The following HDAC9 variants were observed in gnomAD, a reference collection of about 807,000 sequenced individuals.
The protein encoded by HDAC9 is MEF-2 interacting transcription repressor (MITR) protein.
HDAC9 carries 41 observed loss-of-function variants against 139.4 expected under a neutral mutation model. The ratio of observed to expected loss-of-function variants is 0.29; its 90% CI spans 0.23 to 0.38. The LOEUF (loss-of-function observed/expected upper bound fraction) is 0.38, where lower values mean the gene tolerates loss of function less well. Ranked by LOEUF, HDAC9 falls within the 10% of genes least tolerant of loss-of-function variation. The pLI is 1.00. For missense variants in HDAC9, 1,147 were observed against 1,297.0 expected, an observed-to-expected ratio of 0.88 and a Z score of 1.78; for synonymous variants, 517 against 476.2, an observed-to-expected ratio of 1.09 and a Z score of -1.12.
At chr7:18,364,355 G>C (rs1225704396) in intron 1 of HDAC9, among the ~76,000 whole-genome samples, 1 of 152,016 alleles carries the variant, frequency 6.6e-6, no homozygotes, top group African/African-American at 2.4e-5. Context: ...ACCGGCATAT[G>C]ATAAATGCTC....
chr7:18,734,323 G>A (rs569175844), intron 13 of HDAC9, among the ~76,000 whole-genome samples: 36 of 152,234 alleles, frequency 2.4e-4, no homozygotes, highest in African/African-American at 3.1e-4. Context: ...TTGGTTTGCC[G>A]TACCCATCAA....
At chr7:18,853,373 G>A (rs573994108) in intron 21 of HDAC9, among the ~76,000 whole-genome samples, 60 of 152,090 alleles carry the variant, frequency 3.9e-4, no homozygotes, top group South Asian at 2.9e-3. Context: ...GAGTTTGGGG[G>A]TTTCTTACCA....
intron 1 of HDAC9, among the ~76,000 whole-genome samples, chr7:18,461,290 A>G (rs977837712): frequency 5.9e-5 from 9 of 152,206 alleles, no homozygotes; most frequent in Admixed American, 5.9e-4. Flanking sequence ...TTAAAAATAA[A>G]AATCTGTTAT....
chr7:18,697,481 G>A (rs1000216145), intron 12 of HDAC9, among the ~76,000 whole-genome samples: 16 of 151,982 alleles, frequency 1.1e-4, no homozygotes, highest in African/African-American at 3.9e-4. Context: ...GTCTCTCTCT[G>A]TGTCTCTCTT....
chr7:18,388,785 C>G (rs748476033), intron 1 of HDAC9, among the ~76,000 whole-genome samples: 1 of 152,076 alleles, frequency 6.6e-6, no homozygotes, highest in East Asian at 1.9e-4. Context: ...AGAACTAAGT[C>G]TTTTGTGAAT....
intron 25 of HDAC9, among the ~76,000 whole-genome samples, chr7:18,990,424 T>C (rs1056112644): frequency 1.3e-5 from 2 of 152,210 alleles, no homozygotes. Context: ...TCCAGCTGCG[T>C]GCTGGGAGAG....
At chr7:18,991,098 ATTT>A (rs1427565730) in intron 25 of HDAC9, among the ~76,000 whole-genome samples, 1 of 152,170 alleles carries the variant, frequency 6.6e-6, no homozygotes, top group Non-Finnish European at 1.5e-5. Flanking sequence ...GCAAATTCTT[ATTT>A]TGTTCTTGAT....
intron 1 of HDAC9, among the ~76,000 whole-genome samples, chr7:18,424,634 C>T (rs977989801): frequency 9.2e-5 from 14 of 152,142 alleles, no homozygotes; most frequent in Middle Eastern, 3.2e-3. Flanking sequence ...ATAGGCTGGG[C>T]GCAGTGGCTC....
intron 1 of HDAC9, among the ~76,000 whole-genome samples, chr7:18,466,765 TA>T (rs1020735727): frequency 3.9e-5 from 6 of 152,152 alleles, no homozygotes; most frequent in African/African-American, 1.4e-4. Flanking sequence ...GAAGTAAGAC[TA>T]GGGGGGTGAA....
At chr7:18,788,487 G>T (rs1413908375) in intron 16 of HDAC9, among the ~76,000 whole-genome samples, 1 of 152,128 alleles carries the variant, frequency 6.6e-6, no homozygotes, top group Non-Finnish European at 1.5e-5. Context: ...GAACGCGGTG[G>T]TTCACACCTG....
intron 2 of HDAC9, among the ~76,000 whole-genome samples, chr7:18,280,933 T>C (rs142530144): frequency 2.0e-5 from 3 of 152,348 alleles, no homozygotes; most frequent in African/African-American, 7.2e-5. Flanking sequence ...GTTCGCTTAA[T>C]GTTATCTTTT....
At chr7:18,320,215 G>T (rs1216392555) in intron 1 of HDAC9, among the ~76,000 whole-genome samples, 2 of 152,152 alleles carry the variant, frequency 1.3e-5, no homozygotes, top group African/African-American at 4.8e-5. Flanking sequence ...CTGCTTATGA[G>T]ATTAATTTGG....
chr7:18,267,048 T>C (rs1167481998), intron 2 of HDAC9, among the ~76,000 whole-genome samples: 3 of 152,138 alleles, frequency 2.0e-5, no homozygotes, highest in Non-Finnish European at 2.9e-5. Context: ...ATGTTATTAA[T>C]ATAAATTGTG....
intron 11 of HDAC9, among the ~76,000 whole-genome samples, chr7:18,652,917 G>A (rs1789779984): frequency 6.6e-6 from 1 of 152,102 alleles, no homozygotes. Context: ...TATAGGATGG[G>A]GAGCAGGAAG....
chr7:18,368,986 A>AT (rs1784393152), intron 1 of HDAC9, among the ~76,000 whole-genome samples: 1 of 152,010 alleles, frequency 6.6e-6, no homozygotes, highest in Non-Finnish European at 1.5e-5. Context: ...TACTAAACCC[A>AT]TTTTTCAGCC....
rs1036971709 is a variant in HDAC9, at chr7:18,502,068, A to G, written c.22+5744A>G. Among the ~76,000 whole-genome samples the G allele has an allele frequency of 5.3e-5, 8 of 152,296 alleles. No individual in the cohort carries two copies. The East Asian group carries it at 5.8e-4, about 11-fold the overall frequency. ...TGTGATCCTAAGATTGGATCCTCCA[A>G]TGGTCACAAACTGACTTGTAGCAGT... On this transcript the variant is annotated intron_variant, in intron 2 of 25. Transcript: ENST00000686413.
chr7:18,376,148 A>G (rs1784978789), intron 1 of HDAC9, among the ~76,000 whole-genome samples: 1 of 152,094 alleles, frequency 6.6e-6, no homozygotes, highest in Non-Finnish European at 1.5e-5. Context: ...GGAGGGAGTA[A>G]GAGATACACG....
At chr7:18,764,354 T>A (rs1789642614) in intron 15 of HDAC9, among the ~76,000 whole-genome samples, 1 of 152,162 alleles carries the variant, frequency 6.6e-6, no homozygotes, top group Non-Finnish European at 1.5e-5. Flanking sequence ...CACTTCTCAG[T>A]GATCATTGCA....
chr7:18,755,454 T>G (rs1348441229), intron 14 of HDAC9, among the ~76,000 whole-genome samples: 1 of 152,186 alleles, frequency 6.6e-6, no homozygotes. Context: ...TTCACCCATT[T>G]GAAAATTGCA....
Sources: allele counts gnomAD v4.1 joint callset (sites outside exome capture counted in the v4.1 genomes callset), GRCh38; gene constraint gnomAD v4.1.1; transcripts MANE v1.5; gene names NCBI Gene and HGNC (gene_info 2026-07-23, HGNC 2026-07-21).